PVALEF: variants seen among roughly 807,000 people sequenced by gnomAD.
PVALEF encodes parvalbumin like EF-hand containing, also known as parvalbumin-like EF-hand-containing protein.
PVALEF carries 2 observed loss-of-function variants against 1.2 expected under a neutral mutation model. The observed-to-expected ratio is 1.68, with a 90% CI of 0.69 to 5.28. PVALEF has a LOEUF of 5.28. PVALEF is among the 30% of genes most tolerant of loss of function. The pLI is 0.06. For synonymous variants in PVALEF, 16 were observed against 6.5 expected (o/e 2.47, Z -2.24); for missense variants, 35 against 17.7 (o/e 1.97, Z -1.75).
chr17:81,169,820 CTG>C (rs938925520), intron 2 of PVALEF, among the ~76,000 whole-genome samples: 3 of 149,216 alleles, frequency 2.0e-5, no homozygotes, highest in South Asian at 2.1e-4. Flanking sequence ...ATATGTGTGT[CTG>C]TGTGTGTCTG....
intron 3 of PVALEF, among the ~76,000 whole-genome samples, chr17:81,180,212 C>T (rs2061549082): frequency 6.6e-6 from 1 of 152,234 alleles, no homozygotes; most frequent in African/African-American, 2.4e-5. Flanking sequence ...ACCCCCAGCA[C>T]TGGGCAGATG....
In PVALEF at chr17:81,183,131, T is replaced by C. The variant is rs1165905329; in HGVS notation, c.*120T>C. Reference sequence around the variant, plus strand: ...GCAGCCGTGAGGGTGGACCCAGCTTTTGAAGGAAAATGGAAGAAAAGCAGC... The same window carrying C: ...GCAGCCGTGAGGGTGGACCCAGCTTCTGAAGGAAAATGGAAGAAAAGCAGC... On this transcript the variant is annotated 3_prime_UTR_variant, in exon 7 of 7. Coordinates refer to ENST00000637878, the MANE Select transcript of PVALEF (RefSeq NM_001354639.2). 1.5e-5 allele frequency: 6 copies of C among 397,756 alleles called. No homozygotes were observed. Among genetic ancestry groups the C allele is most frequent in the Non-Finnish European group, 2.7e-5 (6 of 225,716 alleles). 24.6% of individuals were successfully genotyped at this position (397,756 alleles called of 1,614,324 possible).
intron 2 of PVALEF, among the ~76,000 whole-genome samples, chr17:81,167,124 C>A (rs532877626): frequency 6.6e-6 from 1 of 152,360 alleles, no homozygotes; most frequent in East Asian, 1.9e-4. Flanking sequence ...AAGACACTTT[C>A]TCTACAAAAA....
At chr17:81,167,709 C>T (rs1466374769) in intron 2 of PVALEF, among the ~76,000 whole-genome samples, 2 of 152,238 alleles carry the variant, frequency 1.3e-5, no homozygotes, top group Admixed American at 1.3e-4. Context: ...ACACCAACTG[C>T]ACCTGGGGCA....
At position 81,182,632 on chromosome 17, in the gene PVALEF, A is replaced by T. The variant is rs112461300; in HGVS notation, c.359-333A>T. Among the ~76,000 whole-genome samples, 1,243 of 152,228 alleles carry T rather than the reference A, an allele frequency of 8.2e-3. 21 individuals are homozygous for T. The highest frequency in any genetic ancestry group is 0.029 in the African/African-American group (1,195 of 41,544). On this transcript the variant is annotated intron_variant, in intron 6 of 6. Transcript: ENST00000637878. ...TCCGTGCCTCAGTTTCCCCACTGAG[A>T]GATGATCATCAATGAGCACCTGCTC...
rs537770066 is a variant in PVALEF at position 81,166,864 on chromosome 17, G to C, written c.-340+20G>C. 2.6e-6 allele frequency: 1 copy of C among 384,140 alleles called. No individual in the cohort carries two copies. Among genetic ancestry groups the C allele is most frequent in the African/African-American group, 2.1e-5 (1 of 47,432 alleles). The allele number at this position is 384,140 out of a possible 1,614,324, so 23.8% of individuals were successfully genotyped here. On this transcript the variant is annotated intron_variant, in intron 2 of 6. Coordinates refer to ENST00000637878, the MANE Select transcript of PVALEF (RefSeq NM_001354639.2). ...TACCAGGTGCTTAGGGCAGCAGGTTGGCCTGGGCGCTGAGGGGCCATCCCT... is the reference window on the plus strand; with the variant it reads ...TACCAGGTGCTTAGGGCAGCAGGTTCGCCTGGGCGCTGAGGGGCCATCCCT...
In PVALEF at chr17:81,179,041, C is replaced by T; in HGVS notation, c.-216C>T. ...GAGTGCCGGGGAGGGGCGAGGACAG[C>T]TGCAGCCCCGAGATGTAAACAGGCT... is the stretch of plus-strand genomic sequence containing the variant. On this transcript the variant is annotated 5_prime_UTR_variant, in exon 3 of 7. Transcript: ENST00000637878. The T allele has an allele frequency of 4.4e-6, 2 of 454,836 alleles. No homozygotes were observed. The highest frequency in any genetic ancestry group is 1.6e-5 in the South Asian group (1 of 64,288). The allele number at this position is 454,836 out of a possible 1,614,324, so 28.2% of individuals were successfully genotyped here. A position where few individuals can be genotyped will look rare whatever the true frequency, so the allele number is the denominator to read the frequency against.
intron 2 of PVALEF, among the ~76,000 whole-genome samples, chr17:81,177,631 A>G (rs1186050221): frequency 2.0e-5 from 3 of 152,160 alleles, no homozygotes; most frequent in Non-Finnish European, 4.4e-5. Flanking sequence ...GCACGCAAGA[A>G]AGAAGAAAAG....
rs2061555864 is a variant in PVALEF, at chr17:81,181,966, G to T, written c.243G>T (p.Lys81Asn). Residue 81 changes from lysine to asparagine, a missense_variant and splice_region_variant, in exon 6 of 7, where the codon AAG becomes AAT. Physicochemically the swap from Lys to Asn is moderately conservative, Grantham distance 94 (BLOSUM62 0). Transcript: ENST00000637878. ...KSGFIEWNEI[K>N]YILSIIPSSG... ...CTGACTCGAGCCCCCTTGGCCCCAGGTACATCCTGTCCATCATCCCCAGCA... is the reference window on the plus strand; with the variant it reads ...CTGACTCGAGCCCCCTTGGCCCCAGTTACATCCTGTCCATCATCCCCAGCA... 3 of 398,518 alleles carry T rather than the reference G, an allele frequency of 7.5e-6. No homozygotes were observed. The highest frequency in any genetic ancestry group is 1.3e-5 in the Non-Finnish European group (3 of 226,096). The allele number at this position is 398,518 out of a possible 1,614,324, so 24.7% of individuals were successfully genotyped here. A position where few individuals can be genotyped will look rare whatever the true frequency, so the allele number is the denominator to read the frequency against.
At chr17:81,170,456 A>T (rs1429818455) in intron 2 of PVALEF, among the ~76,000 whole-genome samples, 1 of 152,060 alleles carries the variant, frequency 6.6e-6, no homozygotes, top group Non-Finnish European at 1.5e-5. Flanking sequence ...TCTTGATCAC[A>T]GCTGCAAGGA....
chr17:81,167,471 T>C (rs2061502006), intron 2 of PVALEF, among the ~76,000 whole-genome samples: 1 of 152,204 alleles, frequency 6.6e-6, no homozygotes, highest in Non-Finnish European at 1.5e-5. Flanking sequence ...AGGCGCCCAC[T>C]CCAACAGGGC....
At chr17:81,178,354 C>T (rs2061542365) in intron 2 of PVALEF, among the ~76,000 whole-genome samples, 1 of 152,144 alleles carries the variant, frequency 6.6e-6, no homozygotes, top group African/African-American at 2.4e-5. Context: ...CGGTGCCCAG[C>T]ATGACCACCC....
intron 3 of PVALEF, among the ~76,000 whole-genome samples, chr17:81,179,359 C>T (rs905994469): frequency 6.6e-6 from 1 of 152,204 alleles, no homozygotes; most frequent in Non-Finnish European, 1.5e-5. Flanking sequence ...CCCAAGGGGG[C>T]CCCCGGATGG....
chr17:81,180,816 G>A (rs989586850), intron 3 of PVALEF, among the ~76,000 whole-genome samples: 7 of 152,206 alleles, frequency 4.6e-5, no homozygotes, highest in African/African-American at 1.2e-4. Flanking sequence ...CAGCAAGAGC[G>A]TTCCAGAAGG....
chr17:81,167,946 G>A (rs1054285759), intron 2 of PVALEF, among the ~76,000 whole-genome samples: 3 of 152,242 alleles, frequency 2.0e-5, no homozygotes, highest in African/African-American at 4.8e-5. Context: ...CCCACCCAGT[G>A]GCAGGGATGG....
chr17:81,168,669 G>A lies in PVALEF; in HGVS notation c.-340+1825G>A, dbSNP rs944754197. On this transcript the variant is annotated intron_variant, in intron 2 of 6. Coordinates refer to ENST00000637878, the MANE Select transcript of PVALEF (RefSeq NM_001354639.2). Reference sequence around the variant, plus strand: ...CTCTAGAGCCCAGAAGGAGCTGACCGAGGAGCCCAGATTGGCTGGGAGAGT... The same window carrying A: ...CTCTAGAGCCCAGAAGGAGCTGACCAAGGAGCCCAGATTGGCTGGGAGAGT... 1.3e-5 allele frequency among the ~76,000 whole-genome samples: 2 copies of A among 152,174 alleles called. 1 individual carries two copies. The highest frequency in any genetic ancestry group is 1.3e-4 in the Admixed American group (2 of 15,288).
In PVALEF at chr17:81,181,265, C is replaced by T. The variant is rs765578972; in HGVS notation, c.39C>T (p.Ala13=). The change falls in exon 4 of 7, where the codon GCC becomes GCT. Residue 13 remains alanine (A), a synonymous_variant. Coordinates refer to ENST00000637878, the MANE Select transcript of PVALEF (RefSeq NM_001354639.2). ...EDFSSQMKKM[A]LAMGTSLSDK... is the part of the protein sequence containing the mutation. ...TCTCCTCCCAGATGAAGAAGATGGC[C>T]TTGGCCATGGGCACGTCCCTATCAG... The T allele has an allele frequency of 3.3e-5, 23 of 702,430 alleles. No individual in the cohort carries two copies. In the South Asian group the frequency reaches 3.4e-4, roughly 10 times the overall value. The allele number at this position is 702,430 out of a possible 1,614,324, so 43.5% of individuals were successfully genotyped here.
chr17:81,166,262 G>C (rs1375929484), intron 1 of PVALEF, among the ~76,000 whole-genome samples: 1 of 61,070 alleles, frequency 1.6e-5, no homozygotes, highest in Admixed American at 1.6e-4. Flanking sequence ...GCGCGGGGGA[G>C]GGGGGGGCCC....
chr17:81,181,548 G>T lies in PVALEF; in HGVS notation c.107-11G>T, dbSNP rs1293642821. ...GTGGGCCCCTCCGTGAGCCCCGCCT[G>T]GTTGCCCCAGGGTCCTTCAACTACC... is the stretch of plus-strand genomic sequence containing the variant. On this transcript the variant is annotated splice_polypyrimidine_tract_variant and intron_variant, in intron 4 of 6. Transcript: ENST00000637878. The T allele has an allele frequency of 6.4e-6, 3 of 470,482 alleles. No individual in the cohort carries two copies. The East Asian group carries it at 1.0e-4, about 16-fold the overall frequency. 29.1% of individuals were successfully genotyped at this position (470,482 alleles called of 1,614,324 possible). A position where few individuals can be genotyped will look rare whatever the true frequency, so the allele number is the denominator to read the frequency against.
Sources: allele counts gnomAD v4.1 joint callset (sites outside exome capture counted in the v4.1 genomes callset), GRCh38; gene constraint gnomAD v4.1.1; transcripts MANE v1.5; gene names NCBI Gene and HGNC (gene_info 2026-07-23, HGNC 2026-07-21).